Variants in MCC observed in about 807,000 individuals in gnomAD.
The protein encoded by MCC is colorectal mutant cancer protein.
MCC carries 90 observed loss-of-function variants against 116.2 expected under a neutral mutation model. The ratio of observed to expected loss-of-function variants is 0.77; its 90% confidence interval spans 0.65 to 0.92. The LOEUF is 0.92. Among genes scored for constraint, MCC ranks in the 40% least tolerant of loss-of-function variants. The pLI is 0.00. For missense variants in MCC, 1,516 were observed against 1,312.2 expected, an observed-to-expected ratio of 1.16 and a Z score of -2.40; for synonymous variants, 578 against 510.5, an observed-to-expected ratio of 1.13 and a Z score of -1.78.
chr5:113,446,430 G>T (rs1281314044), intron 1 of MCC, among the ~76,000 whole-genome samples: 3 of 152,052 alleles, frequency 2.0e-5, no homozygotes, highest in Non-Finnish European at 4.4e-5. Context: ...TAAAAAGTGG[G>T]CAAAAGACAG....
chr5:113,151,539 TG>T, intron 3 of MCC, 117 bp from the exon 4 acceptor site: 1 of 634,892 alleles, frequency 1.6e-6, no homozygotes, highest in Non-Finnish European at 2.8e-6. Context: ...GCAACACTTT[TG>T]AGAATGAAGG....
intron 3 of MCC, among the ~76,000 whole-genome samples, chr5:113,266,096 G>T (rs1014180586): frequency 6.6e-6 from 1 of 152,108 alleles, no homozygotes; most frequent in African/African-American, 2.4e-5. Flanking sequence ...TAAAATCCTA[G>T]GTCTTATGCC....
intron 3 of MCC, among the ~76,000 whole-genome samples, chr5:113,247,166 A>G (rs1400972464): frequency 6.6e-6 from 1 of 152,242 alleles, no homozygotes; most frequent in African/African-American, 2.4e-5. Flanking sequence ...CGTATACTTG[A>G]AAACATAAGT....
intron 5 of MCC, among the ~76,000 whole-genome samples, chr5:113,127,221 C>T (rs182506583): frequency 2.0e-5 from 3 of 152,280 alleles, no homozygotes; most frequent in East Asian, 1.9e-4. Flanking sequence ...ATGGTATATA[C>T]GTACCACATT....
intron 3 of MCC, among the ~76,000 whole-genome samples, chr5:113,196,918 C>T (rs1459891905): frequency 6.6e-6 from 1 of 152,172 alleles, no homozygotes; most frequent in East Asian, 1.9e-4. Context: ...TGATCTGGAA[C>T]CTCCACTAAT....
chr5:113,462,579 G>C (rs969623227), intron 1 of MCC, among the ~76,000 whole-genome samples: 2 of 152,086 alleles, frequency 1.3e-5, no homozygotes, highest in African/African-American at 4.8e-5. Context: ...ATCAGATTCC[G>C]ACAATGTGAG....
intron 5 of MCC, among the ~76,000 whole-genome samples, chr5:113,135,295 C>T (rs1466855476): frequency 5.4e-5 from 8 of 148,892 alleles, no homozygotes; most frequent in African/African-American, 1.5e-4. Flanking sequence ...TGGCTCACAC[C>T]TGTAATCCCA....
chr5:113,418,327 A>G (rs971368056), intron 1 of MCC, among the ~76,000 whole-genome samples: 1 of 136,762 alleles, frequency 7.3e-6, no homozygotes, highest in African/African-American at 3.1e-5. Flanking sequence ...GAAATATGTT[A>G]TATGAATTAT....
chr5:113,068,243 G>T, intron 12 of MCC, 60 bp from the exon 13 acceptor site: 1 of 1,357,590 alleles, frequency 7.4e-7, no homozygotes, highest in Non-Finnish European at 1.0e-6. Flanking sequence ...CTTCAATGTG[G>T]CGCCGGTTTC....
chr5:113,353,055 A>C (rs1768319885), intron 2 of MCC, among the ~76,000 whole-genome samples: 1 of 151,946 alleles, frequency 6.6e-6, no homozygotes, highest in South Asian at 2.1e-4. Flanking sequence ...TGACATGGAC[A>C]CCACTGTGTC....
intron 3 of MCC, among the ~76,000 whole-genome samples, chr5:113,308,171 GC>G (rs1374387794): frequency 6.6e-6 from 1 of 152,008 alleles, no homozygotes; most frequent in Non-Finnish European, 1.5e-5. Context: ...ACAAGGTCTT[GC>G]AATGTTGCCC....
intron 15 of MCC, 129 bp downstream of exon 15, chr5:113,053,596 T>C (rs4295378): frequency 0.98 from 635,976 of 647,912 alleles, 312,204 homozygotes; most frequent in East Asian, 1. Context: ...GCTCTGTCTA[T>C]AAACAAGGGT....
chr5:113,303,837 T>C lies in MCC; in HGVS notation c.627+36682A>G, dbSNP rs147744493. 4.1e-3 allele frequency among the ~76,000 whole-genome samples: 623 copies of C among 152,230 alleles called. 5 individuals carry two copies. Among genetic ancestry groups the C allele is most frequent in the African/African-American group, 0.014 (576 of 41,546 alleles). ...CCAGCTAATTTGTTTGTATTTTTAG[T>C]AGAGACGGGGTTTCACCATGTTGGC... is the stretch of plus-strand genomic sequence containing the variant. On this transcript the variant is annotated intron_variant, in intron 3 of 18. Coordinates refer to ENST00000408903, the MANE Select transcript of MCC (RefSeq NM_001085377.2).
chr5:113,294,313 C>T lies in MCC; in HGVS notation c.627+46206G>A, dbSNP rs200146175. On this transcript the variant is annotated intron_variant, in intron 3 of 18. Coordinates refer to ENST00000408903, the MANE Select transcript of MCC (RefSeq NM_001085377.2). ...CGCCCGAGAAACCCTAGCTCCCGACCTCAGCTGTTTCTTACCTCACTCAGC... is the reference window on the plus strand; with the variant it reads ...CGCCCGAGAAACCCTAGCTCCCGACTTCAGCTGTTTCTTACCTCACTCAGC... 6 of 1,613,438 alleles carry T rather than the reference C, an allele frequency of 3.7e-6. No individual in the cohort carries two copies. The African/African-American group carries it at 5.3e-5, about 14-fold the overall frequency.
intron 15 of MCC, 152 bp from the exon 16 acceptor site, chr5:113,049,451 GGA>G (rs1288772305): frequency 1.6e-6 from 1 of 622,876 alleles, no homozygotes. Flanking sequence ...ATGAGTGGGA[GGA>G]GACGTGGCAC....
chr5:113,366,750 G>A (rs1768698570), intron 2 of MCC, among the ~76,000 whole-genome samples: 1 of 145,758 alleles, frequency 6.9e-6, no homozygotes, highest in Non-Finnish European at 1.5e-5. Flanking sequence ...TATTCAGCAT[G>A]TTTAAAGGAG....
intron 3 of MCC, among the ~76,000 whole-genome samples, chr5:113,232,639 T>C (rs931242570): frequency 3.9e-5 from 6 of 152,204 alleles, no homozygotes; most frequent in African/African-American, 1.4e-4. Context: ...AAAAAACCTT[T>C]AATGGAAAGT....
At chr5:113,076,055 G>A (rs149355778) in intron 11 of MCC, among the ~76,000 whole-genome samples, 1,653 of 152,258 alleles carry the variant, frequency 0.011, 49 homozygotes, top group African/African-American at 0.037. Flanking sequence ...ACAAACTCCA[G>A]ACACACCATC....
At chr5:113,281,295 A>G (rs756684107) in intron 3 of MCC, among the ~76,000 whole-genome samples, 2 of 152,228 alleles carry the variant, frequency 1.3e-5, no homozygotes, top group African/African-American at 2.4e-5. Context: ...CAAAGTGTGC[A>G]TCACTGATAA....
Sources: gnomAD v4.1 joint callset for allele counts (sites outside exome capture counted in the v4.1 genomes callset) on GRCh38, gnomAD v4.1.1 for gene constraint, MANE v1.5 for transcripts, NCBI Gene and HGNC (gene_info 2026-07-23, HGNC 2026-07-21) for gene names.